The following SLC25A13 variants were observed in gnomAD, a reference collection of about 807,000 sequenced individuals.
The protein encoded by SLC25A13 is electrogenic aspartate/glutamate antiporter SLC25A13, mitochondrial.
In SLC25A13, 70 loss-of-function variants were observed where a neutral mutation model predicts 85.5. The ratio of observed to expected loss-of-function variants is 0.82; its 90% confidence interval spans 0.68 to 1.00. The LOEUF is 1.00. SLC25A13 is among the 50% of genes least tolerant of loss of function. The probability of loss-of-function intolerance (pLI) is 0.00; values close to 1 mark genes in which losing one functional copy is unlikely to be tolerated. For missense variants in SLC25A13, 765 were observed against 819.8 expected (o/e 0.93, Z 0.82); for synonymous variants, 259 against 288.7 (o/e 0.90, Z 1.04).
At chr7:96,289,281 G>T (rs1409238523) in intron 2 of SLC25A13, among the ~76,000 whole-genome samples, 25 of 152,064 alleles carry the variant, frequency 1.6e-4, no homozygotes, top group Non-Finnish European at 1.5e-5. Flanking sequence ...AAAGACCAAA[G>T]GTAGATAAAA....
Position 96,187,747 on chromosome 7 carries a change from T to C in SLC25A13, c.933+1547A>G, listed in dbSNP as rs74741465. The stretch of plus-strand genomic sequence containing the variant: ...TTGAAATGAGACAAAACTCTGCTCC[T>C]TCACTCCTCTGTCCAGGATAAATGC... On this transcript the variant is annotated intron_variant, in intron 9 of 17. Coordinates refer to ENST00000265631, the MANE Select transcript of SLC25A13 (RefSeq NM_014251.3). Among the ~76,000 whole-genome samples, 6 of 152,304 alleles carry C rather than the reference T, an allele frequency of 3.9e-5. No individual in the cohort carries two copies. The East Asian group carries it at 1.2e-3, about 29-fold the overall frequency.
At chr7:96,219,839 A>G (rs1289598609) in intron 4 of SLC25A13, 2 of 425,434 alleles carry the variant, frequency 4.7e-6, no homozygotes, top group Non-Finnish European at 9.8e-6. Context: ...ACTGTGAGTC[A>G]ACAACAACAA....
chr7:96,271,088 C>T (rs2116922105), intron 3 of SLC25A13, among the ~76,000 whole-genome samples: 1 of 152,302 alleles, frequency 6.6e-6, no homozygotes, highest in South Asian at 2.1e-4. Flanking sequence ...CTGCAAAGAC[C>T]CTTTTTCCAA....
At chr7:96,304,182 C>T (rs547247144) in intron 1 of SLC25A13, among the ~76,000 whole-genome samples, 233 of 152,288 alleles carry the variant, frequency 1.5e-3, no homozygotes, top group Non-Finnish European at 2.2e-3. Context: ...GGAAAAGTTA[C>T]TGAAATATAA....
In SLC25A13 at chr7:96,185,572, G is replaced by A. The variant is rs184130528; in HGVS notation, c.934-561C>T. On this transcript the variant is annotated intron_variant, in intron 9 of 17. Transcript: ENST00000265631. ...GATCACGCCACTGCACTTCAGCCTC[G>A]GCAACAGAGCAAGACTCTATCTCAA... 4.0e-5 allele frequency among the ~76,000 whole-genome samples: 6 copies of A among 151,584 alleles called. 1 individual carries two copies. In the East Asian group the frequency reaches 9.8e-4, roughly 25 times the overall value.
At chr7:96,303,427 G>C (rs1799626773) in intron 1 of SLC25A13, among the ~76,000 whole-genome samples, 1 of 152,062 alleles carries the variant, frequency 6.6e-6, no homozygotes, top group African/African-American at 2.4e-5. Context: ...GTCCTGCATA[G>C]TCTTTTGAAC....
intron 3 of SLC25A13, among the ~76,000 whole-genome samples, chr7:96,266,529 G>C (rs538925636): frequency 2.6e-4 from 40 of 152,264 alleles, no homozygotes; most frequent in African/African-American, 9.1e-4. Flanking sequence ...TGGGTAAGAG[G>C]AGGAGGAGCG....
At chr7:96,265,265 C>T (rs1327136032) in intron 3 of SLC25A13, among the ~76,000 whole-genome samples, 1 of 152,198 alleles carries the variant, frequency 6.6e-6, no homozygotes, top group Admixed American at 6.6e-5. Context: ...TGGGAAAATA[C>T]TGTTTCTCTA....
At chr7:96,277,664 A>G (rs2116940622) in intron 2 of SLC25A13, among the ~76,000 whole-genome samples, 2 of 152,244 alleles carry the variant, frequency 1.3e-5, no homozygotes, top group East Asian at 3.9e-4. Flanking sequence ...ATCCAACAAT[A>G]CACAGGATGA....
Position 96,321,970 on chromosome 7 carries a change from T to A in SLC25A13, c.-14A>T. 6.5e-7 allele frequency: 1 copy of A among 1,538,752 alleles called. No homozygotes were observed. The highest frequency in any genetic ancestry group is 8.7e-7 in the Non-Finnish European group (1 of 1,143,908). ...GGCGGCCGCCATGATTCGCCCCGGT[T>A]GCGGGCGACTGCGGGACCCACTGAC... is the stretch of plus-strand genomic sequence containing the variant. On this transcript the variant is annotated 5_prime_UTR_variant, in exon 1 of 18. Coordinates refer to ENST00000265631, the MANE Select transcript of SLC25A13 (RefSeq NM_014251.3).
chr7:96,272,531 G>A (rs1798282082), intron 3 of SLC25A13, among the ~76,000 whole-genome samples: 1 of 152,152 alleles, frequency 6.6e-6, no homozygotes, highest in African/African-American at 2.4e-5. Flanking sequence ...TTGTTGGGGG[G>A]AAAAGTGATT....
At chr7:96,138,657 T>C (rs560236861) in intron 14 of SLC25A13, among the ~76,000 whole-genome samples, 1 of 152,298 alleles carries the variant, frequency 6.6e-6, no homozygotes. Context: ...ACTAGAATTA[T>C]ATGTTTCTCT....
intron 1 of SLC25A13, among the ~76,000 whole-genome samples, chr7:96,321,481 A>G (rs1481574001): frequency 1.3e-5 from 2 of 152,192 alleles, no homozygotes; most frequent in Non-Finnish European, 2.9e-5. Context: ...GGGAGGGCGG[A>G]GCCCTTGAAA....
chr7:96,286,550 A>C (rs909954283), intron 2 of SLC25A13, among the ~76,000 whole-genome samples: 1 of 152,114 alleles, frequency 6.6e-6, no homozygotes, highest in African/African-American at 2.4e-5. Context: ...TCCATAACTT[A>C]ATGACTCTCC....
At chr7:96,260,652 A>G (rs1028754074) in intron 3 of SLC25A13, among the ~76,000 whole-genome samples, 2 of 151,666 alleles carry the variant, frequency 1.3e-5, no homozygotes, top group African/African-American at 2.4e-5. Context: ...TTCCAAACCT[A>G]CTCTTCCCCC....
In SLC25A13 at chr7:96,146,629, C is replaced by T; in HGVS notation, c.1379G>A (p.Gly460Glu). The change falls in exon 14 of 18, where the codon GGA becomes GAA. Residue 460 changes from glycine (G) to glutamate (E), a missense_variant. Gly to Glu is a moderately conservative substitution (Grantham distance 98, BLOSUM62 -2). Transcript: ENST00000265631. ...GACTCGAGGACCAGTGGTGATTTCT[C>T]CTGCCACTTGCAAACGGATCTTGAC... ...EIVKIRLQVAGEITTGPRVSA... is the reference protein window; with the variant it reads ...EIVKIRLQVAEEITTGPRVSA... 6.2e-7 allele frequency: 1 copy of T among 1,614,008 alleles called. No homozygotes were observed. The highest frequency in any genetic ancestry group is 8.5e-7 in the Non-Finnish European group (1 of 1,180,010).
At chr7:96,318,429 C>T (rs1375744321) in intron 1 of SLC25A13, among the ~76,000 whole-genome samples, 1 of 152,062 alleles carries the variant, frequency 6.6e-6, no homozygotes, top group Non-Finnish European at 1.5e-5. Context: ...ATTCAAACAA[C>T]GCAAACAGTA....
intron 6 of SLC25A13, among the ~76,000 whole-genome samples, chr7:96,191,766 C>T (rs1794864631): frequency 6.6e-6 from 1 of 152,056 alleles, no homozygotes; most frequent in African/African-American, 2.4e-5. Context: ...ACAGACTTTA[C>T]ATTGGTGGGA....
intron 2 of SLC25A13, among the ~76,000 whole-genome samples, chr7:96,294,895 T>A (rs1038676309): frequency 6.6e-6 from 1 of 152,168 alleles, no homozygotes; most frequent in South Asian, 2.1e-4. Flanking sequence ...CACAAAACTA[T>A]CCCTGCTTTT....
Sources: gnomAD v4.1 joint callset for allele counts (sites outside exome capture counted in the v4.1 genomes callset) on GRCh38, gnomAD v4.1.1 for gene constraint, MANE v1.5 for transcripts, NCBI Gene and HGNC (gene_info 2026-07-23, HGNC 2026-07-21) for gene names.